ADGRG4: variants seen among roughly 807,000 people sequenced by gnomAD.
ADGRG4 encodes G protein-coupled receptor 112.
In ADGRG4, 122 loss-of-function variants were observed where a neutral mutation model predicts 126.2. The ratio of observed to expected loss-of-function variants is 0.97; its 90% CI spans 0.83 to 1.12. The LOEUF (loss-of-function observed/expected upper bound fraction) is 1.12, where lower values mean the gene tolerates loss of function less well. ADGRG4 is among the 50% of genes most tolerant of loss of function. The pLI is 0.00. For missense variants in ADGRG4, 2,481 were observed against 2,251.8 expected, an observed-to-expected ratio of 1.10 and a Z score of -2.06; for synonymous variants, 943 against 838.7, an observed-to-expected ratio of 1.12 and a Z score of -2.15.
chrX:136,410,132 G>A (rs1450725288), intron 23 of ADGRG4, among the ~76,000 whole-genome samples: 1 of 112,358 alleles, frequency 8.9e-6, no homozygotes, highest in Non-Finnish European at 1.9e-5. Flanking sequence ...CATTGCTCCT[G>A]GTTCTAACCG....
chrX:136,324,780 G>A (rs1037173769), intron 5 of ADGRG4, among the ~76,000 whole-genome samples: 1 of 112,004 alleles, frequency 8.9e-6, no homozygotes, highest in Non-Finnish European at 1.9e-5. Context: ...ACAACAAGAT[G>A]TTCCAGGCTC....
chrX:136,395,602 C>T (rs1047694451), intron 19 of ADGRG4, 109 bp downstream of exon 19: 31 of 407,446 alleles, frequency 7.6e-5, no homozygotes, highest in African/African-American at 7.2e-4. Flanking sequence ...GAAAAAAATC[C>T]CCCTTCCAAT....
In ADGRG4 at chrX:136,323,256, C is replaced by T. The variant is rs368222279; in HGVS notation, c.549C>T (p.Tyr183=). 2.5e-6 allele frequency: 3 copies of T among 1,209,466 alleles called. No individual in the cohort carries two copies. The highest frequency in any genetic ancestry group is 1.8e-5 in the African/African-American group (1 of 56,983). ...SMMRSFPGSL[Y]YFQLWDHILE... ...TGCGTAGCTTTCCTGGCAGCTTGTA[C>T]TACTTTCAACTCTGGGACCACATCC... is the stretch of plus-strand genomic sequence containing the variant. Residue 183 remains tyrosine (Y), a synonymous_variant, in exon 5 of 26, where the codon TAC becomes TAT. Transcript: ENST00000394143.
chrX:136,405,300 G>A (rs981227562), intron 22 of ADGRG4, among the ~76,000 whole-genome samples: 3 of 109,015 alleles, frequency 2.8e-5, no homozygotes, highest in Non-Finnish European at 5.8e-5. Context: ...TTAGGTGTAA[G>A]GTGGTGGCGG....
At position 136,346,002 on chromosome X, in the gene ADGRG4, A is replaced by G. The variant is rs2075014175; in HGVS notation, c.2296A>G (p.Met766Val). 5.0e-6 allele frequency: 6 copies of G among 1,206,934 alleles called. No individual in the cohort carries two copies. The highest frequency in any genetic ancestry group is 6.7e-6 in the Non-Finnish European group (6 of 891,996). ...LTTLLLKTIPMSTKPANELPL... is the reference protein window; with the variant it reads ...LTTLLLKTIPVSTKPANELPL... ...CACTTTACTACTAAAAACAATACCT[A>G]TGTCTACAAAACCTGCAAATGAACT... Residue 766 changes from methionine to valine, a missense_variant, in exon 6 of 26, where the codon ATG becomes GTG. By Grantham distance (21) the Met-to-Val change is conservative. Transcript: ENST00000394143.
rs950877330 is a variant in ADGRG4 at position 136,342,848 on chromosome X, A to G, written c.686-1544A>G. ...TAAGAAAAAATTTTCTTTTTATCCTATGAGCAATAGAAAGCAACTAAAGAG... is the reference window on the plus strand; with the variant it reads ...TAAGAAAAAATTTTCTTTTTATCCTGTGAGCAATAGAAAGCAACTAAAGAG... On this transcript the variant is annotated intron_variant, in intron 5 of 25. Transcript: ENST00000394143. Among the ~76,000 whole-genome samples, 4 of 107,347 alleles carry G rather than the reference A, an allele frequency of 3.7e-5. No homozygotes were observed. The Admixed American group carries it at 4.0e-4, about 11-fold the overall frequency. The allele number at this position is 107,347 out of a possible 115,157, so 93.2% of individuals were successfully genotyped here.
chrX:136,332,866 T>A (rs2074922020), intron 5 of ADGRG4, among the ~76,000 whole-genome samples: 1 of 110,481 alleles, frequency 9.1e-6, no homozygotes, highest in South Asian at 4.0e-4. Context: ...TGTTTTTTTC[T>A]TGTAAATTTG....
chrX:136,382,535 T>A (rs1027641020), intron 15 of ADGRG4, among the ~76,000 whole-genome samples: 4 of 111,772 alleles, frequency 3.6e-5, no homozygotes, highest in Non-Finnish European at 7.5e-5. Flanking sequence ...CAGGTCGTGG[T>A]TTTTTTCCTG....
chrX:136,303,336 ACAG>A (rs2074714243), intron 1 of ADGRG4, among the ~76,000 whole-genome samples: 1 of 108,219 alleles, frequency 9.2e-6, no homozygotes, highest in Non-Finnish European at 1.9e-5. Context: ...GCCTGTGGTC[ACAG>A]CTACTCTGGA....
chrX:136,341,453 A>T (rs1367257031), intron 5 of ADGRG4, among the ~76,000 whole-genome samples: 1 of 112,201 alleles, frequency 8.9e-6, no homozygotes, highest in Non-Finnish European at 1.9e-5. Context: ...TAGAAGTGAC[A>T]CTTTCACGGA....
Position 136,348,832 on chromosome X carries a change from C to A in ADGRG4, c.5126C>A (p.Ala1709Glu). 1 of 1,209,307 alleles carries A rather than the reference C, an allele frequency of 8.3e-7. No homozygotes were observed. The highest frequency in any genetic ancestry group is 1.8e-5 in the South Asian group (1 of 56,880). Residue 1709 changes from alanine (A) to glutamate (E), a missense_variant, in exon 6 of 26, where the codon GCA becomes GAA. Ala to Glu is a moderately radical substitution (Grantham distance 107). Transcript: ENST00000394143. Reference sequence around the variant, plus strand: ...TCAGCAACTCAACAGTCATCACAAGCAGATGAGGCTACAACTTTGGGCATA... The same window carrying A: ...TCAGCAACTCAACAGTCATCACAAGAAGATGAGGCTACAACTTTGGGCATA... ...FLSATQQSSQ[A>E]DEATTLGILS... is the part of the protein sequence containing the mutation.
At chrX:136,321,683 A>T (rs970053270) in intron 4 of ADGRG4, among the ~76,000 whole-genome samples, 1 of 111,728 alleles carries the variant, frequency 9.0e-6, no homozygotes, top group Admixed American at 9.5e-5. Flanking sequence ...GGGGTGTAAG[A>T]TTTGTAGTGG....
intron 16 of ADGRG4, among the ~76,000 whole-genome samples, chrX:136,389,208 C>A (rs982212727): frequency 3.6e-5 from 4 of 111,877 alleles, no homozygotes; most frequent in African/African-American, 1.3e-4. Flanking sequence ...GTAAGTGAGT[C>A]TCTGCTCTCC....
At position 136,387,857 on chromosome X, in the gene ADGRG4, C is replaced by T. The variant is rs374317262; in HGVS notation, c.7894C>T (p.Gln2632Ter). 2.1e-5 allele frequency: 25 copies of T among 1,206,049 alleles called. No individual in the cohort carries two copies. The African/African-American group carries it at 4.2e-4, about 20-fold the overall frequency. The change falls in exon 16 of 26, where the codon CAA becomes TAA. Residue 2632 changes from glutamine (Q) to a stop codon, truncating the protein, a stop_gained. Coordinates refer to ENST00000394143, the MANE Select transcript of ADGRG4 (RefSeq NM_153834.4). LOFTEE classifies it high-confidence loss of function. The stretch of plus-strand genomic sequence containing the variant: ...AACGATCTTGTTTAATTTCTTTGGC[C>T]AAACTTCACTCTTTAAGGTAAATTC... ...LQTILFNFFGQTSLFKTKNVT... is the reference protein window; with the variant it reads ...LQTILFNFFG
chrX:136,365,840 C>A (rs193281259), intron 13 of ADGRG4, among the ~76,000 whole-genome samples: 68 of 111,549 alleles, frequency 6.1e-4, no homozygotes, highest in African/African-American at 2.0e-3. Flanking sequence ...CTTTGTCAGT[C>A]TAGCCAAAAG....
At chrX:136,334,120 CTTTCTTTCTTTCTTTCTTTT>C (rs1366703795) in intron 5 of ADGRG4, among the ~76,000 whole-genome samples, 1 of 94,234 alleles carries the variant, frequency 1.1e-5, no homozygotes, top group African/African-American at 4.0e-5. Context: ...TTCTTTCTTT[CTTTCTTTCTTTCTTTCTTTT>C]TCTTTTTCTT....
intron 1 of ADGRG4, among the ~76,000 whole-genome samples, chrX:136,301,779 C>T (rs1487999855): frequency 2.7e-5 from 3 of 111,567 alleles, no homozygotes; most frequent in Non-Finnish European, 3.8e-5. Context: ...GGAAGGGATC[C>T]CGTTTCAGCT....
At chrX:136,340,588 T>A (rs1300601439) in intron 5 of ADGRG4, among the ~76,000 whole-genome samples, 1 of 111,760 alleles carries the variant, frequency 8.9e-6, no homozygotes, top group Admixed American at 9.5e-5. Context: ...CTAACTTTGT[T>A]TCTCCTTGGT....
chrX:136,343,330 A>C (rs182445654), intron 5 of ADGRG4, among the ~76,000 whole-genome samples: 1 of 111,301 alleles, frequency 9.0e-6, no homozygotes, highest in East Asian at 2.8e-4. Flanking sequence ...GTTGAGCTTG[A>C]GGTGTTAATG....
Sources: allele counts gnomAD v4.1 joint callset (sites outside exome capture counted in the v4.1 genomes callset), GRCh38; gene constraint gnomAD v4.1.1; transcripts MANE v1.5; gene names NCBI Gene and HGNC (gene_info 2026-07-23, HGNC 2026-07-21).